Variants in FHIT observed in about 807,000 individuals in gnomAD.
The protein encoded by FHIT is fragile histidine triad diadenosine triphosphatase.
Under a neutral mutation model 17.9 loss-of-function variants are expected in FHIT, and 19 were observed. The ratio of observed to expected loss-of-function variants is 1.06; its 90% CI spans 0.74 to 1.56. The LOEUF is 1.56. Among genes scored for constraint, FHIT ranks in the 40% most tolerant of loss-of-function variants. FHIT has a pLI of 0.00. For missense variants in FHIT, 248 were observed against 189.2 expected (o/e 1.31, Z -1.82); for synonymous variants, 81 against 69.7 (o/e 1.16, Z -0.81).
chr3:61,161,271 C>T (rs896043837), intron 2 of FHIT, among the ~76,000 whole-genome samples: 8 of 151,482 alleles, frequency 5.3e-5, no homozygotes, highest in South Asian at 2.1e-4. Context: ...GGCGCAATCT[C>T]GGCTCACTGC....
chr3:60,894,867 A>G (rs1442104645), intron 3 of FHIT, among the ~76,000 whole-genome samples: 2 of 152,094 alleles, frequency 1.3e-5, no homozygotes, highest in Admixed American at 6.6e-5. Flanking sequence ...CAAACAAACA[A>G]ATGAAAAGTG....
intron 3 of FHIT, among the ~76,000 whole-genome samples, chr3:60,925,116 C>T (rs1398727803): frequency 6.6e-6 from 1 of 152,204 alleles, no homozygotes; most frequent in African/African-American, 2.4e-5. Context: ...GAGAATGGAA[C>T]CAACTTGCAA....
intron 5 of FHIT, among the ~76,000 whole-genome samples, chr3:60,202,769 AG>A (rs1702975532): frequency 6.6e-6 from 1 of 152,112 alleles, no homozygotes; most frequent in African/African-American, 2.4e-5. Flanking sequence ...TAAGATCAAA[AG>A]GGGGTTTTAT....
chr3:60,937,543 T>TTC (rs1175825177), intron 3 of FHIT, among the ~76,000 whole-genome samples: 2 of 145,148 alleles, frequency 1.4e-5, no homozygotes, highest in Non-Finnish European at 3.0e-5. Flanking sequence ...TCTACTGCTT[T>TTC]TTTTTTCTTT....
rs150931006 is a variant in FHIT at position 61,134,100 on chromosome 3, TACAC to T, written c.-164+66513_-164+66516del. 8.7e-4 allele frequency among the ~76,000 whole-genome samples: 118 copies of T among 134,966 alleles called. No homozygotes were observed. The East Asian group carries it at 0.012, about 14-fold the overall frequency. 88.5% of individuals were successfully genotyped at this position (134,966 alleles called of 152,430 possible). Reference sequence around the variant, plus strand: ...TGAGACTCTGTCTCACACACACACATACACACACACACACACACACACACACACA... The same window carrying T: ...TGAGACTCTGTCTCACACACACACATACACACACACACACACACACACACA... On this transcript the variant is annotated intron_variant, in intron 2 of 9. Coordinates refer to ENST00000492590, the MANE Select transcript of FHIT (RefSeq NM_002012.4).
chr3:60,114,488 CCTTTTTTTTTTTT>C (rs1309113705), intron 5 of FHIT, among the ~76,000 whole-genome samples: 1 of 59,480 alleles, frequency 1.7e-5, no homozygotes, highest in East Asian at 5.1e-4. Flanking sequence ...CAAGAGAAAT[CCTTTTTTTTTTTT>C]TTTTTTTTTT....
At chr3:59,772,884 T>A (rs886610583) in intron 8 of FHIT, among the ~76,000 whole-genome samples, 3 of 152,148 alleles carry the variant, frequency 2.0e-5, no homozygotes, top group Non-Finnish European at 4.4e-5. Context: ...ATGTAGGAAG[T>A]GTAGGGCCAG....
At chr3:60,424,598 C>A (rs537710152) in intron 5 of FHIT, among the ~76,000 whole-genome samples, 2 of 152,174 alleles carry the variant, frequency 1.3e-5, no homozygotes, top group East Asian at 3.9e-4. Flanking sequence ...GCATTTCACA[C>A]CCACACACAC....
At chr3:59,963,269 A>AT (rs1707769662) in intron 7 of FHIT, among the ~76,000 whole-genome samples, 2 of 149,540 alleles carry the variant, frequency 1.3e-5, no homozygotes, top group African/African-American at 2.5e-5. Context: ...TCCATCTCAA[A>AT]AAATAATAAT....
Position 60,553,620 on chromosome 3 carries a change from T to C in FHIT, c.-17-16641A>G, listed in dbSNP as rs567839399. Among the ~76,000 whole-genome samples the C allele has an allele frequency of 1.8e-4, 28 of 151,442 alleles. No individual in the cohort carries two copies. In the South Asian group the frequency reaches 4.8e-3, roughly 26 times the overall value. The stretch of plus-strand genomic sequence containing the variant: ...TATAGGGTGTAAATGGATACTTCTA[T>C]GTTTTATGCTTCAACCTGACCTTGA... On this transcript the variant is annotated intron_variant, in intron 4 of 9. Coordinates refer to ENST00000492590, the MANE Select transcript of FHIT (RefSeq NM_002012.4).
chr3:60,304,898 T>C (rs1203460487), intron 5 of FHIT, among the ~76,000 whole-genome samples: 1 of 152,172 alleles, frequency 6.6e-6, no homozygotes, highest in Non-Finnish European at 1.5e-5. Context: ...GAATCTAATC[T>C]ACTATAAAAA....
intron 3 of FHIT, among the ~76,000 whole-genome samples, chr3:60,839,139 T>C (rs1553744414): frequency 6.6e-6 from 1 of 152,184 alleles, no homozygotes; most frequent in African/African-American, 2.4e-5. Flanking sequence ...AACTTTATCC[T>C]GTGTACCACG....
At chr3:59,921,343 C>T (rs927251143) in intron 8 of FHIT, among the ~76,000 whole-genome samples, 2 of 152,082 alleles carry the variant, frequency 1.3e-5, no homozygotes, top group African/African-American at 4.8e-5. Flanking sequence ...TCCCTGGAAA[C>T]AAGGTAGAGA....
intron 8 of FHIT, among the ~76,000 whole-genome samples, chr3:59,841,389 G>C (rs1432878676): frequency 6.6e-6 from 1 of 152,196 alleles, no homozygotes; most frequent in Admixed American, 6.5e-5. Context: ...ATGGGCCTCA[G>C]CTCCAGTGAG....
intron 2 of FHIT, among the ~76,000 whole-genome samples, chr3:61,194,158 T>A (rs562420781): frequency 5.9e-5 from 9 of 152,246 alleles, no homozygotes; most frequent in Admixed American, 1.3e-4. Context: ...GGAATGAGGA[T>A]CTTCAAAGGA....
At chr3:59,888,286 C>T (rs984141362) in intron 8 of FHIT, among the ~76,000 whole-genome samples, 1 of 152,158 alleles carries the variant, frequency 6.6e-6, no homozygotes, top group African/African-American at 2.4e-5. Flanking sequence ...AGTAGTCATG[C>T]ATAGCTTATA....
chr3:60,931,317 A>C (rs1344351000), intron 3 of FHIT, among the ~76,000 whole-genome samples: 2 of 152,218 alleles, frequency 1.3e-5, no homozygotes, highest in Non-Finnish European at 2.9e-5. Context: ...ATACATATGT[A>C]ACAAACCTGC....
chr3:60,666,396 A>T (rs1169628920), intron 4 of FHIT, among the ~76,000 whole-genome samples: 1 of 152,194 alleles, frequency 6.6e-6, no homozygotes, highest in African/African-American at 2.4e-5. Context: ...TTCTTTCAGT[A>T]CTTGAAAAAT....
intron 4 of FHIT, among the ~76,000 whole-genome samples, chr3:60,633,223 A>G (rs1016403465): frequency 2.6e-5 from 4 of 152,234 alleles, no homozygotes; most frequent in Admixed American, 1.3e-4. Flanking sequence ...AATATGAGAC[A>G]TGAGTCAAAC....
Sources: gnomAD v4.1 joint callset for allele counts (sites outside exome capture counted in the v4.1 genomes callset) on GRCh38, gnomAD v4.1.1 for gene constraint, MANE v1.5 for transcripts, NCBI Gene and HGNC (gene_info 2026-07-23, HGNC 2026-07-21) for gene names.